KALRN: variants seen among roughly 807,000 people sequenced by gnomAD.
The protein encoded by KALRN is kalirin RhoGEF kinase, also known as kalirin.
Under a neutral mutation model 353.7 loss-of-function variants are expected in KALRN, and 70 were observed. The ratio of observed to expected loss-of-function variants is 0.20; its 90% confidence interval spans 0.16 to 0.24. The LOEUF (loss-of-function observed/expected upper bound fraction) is 0.24, where lower values mean the gene tolerates loss of function less well. Among genes scored for constraint, KALRN ranks in the 10% least tolerant of loss-of-function variants. KALRN has a pLI of 1.00. For missense variants in KALRN, 2,791 were observed against 3,756.7 expected (o/e 0.74, Z 6.72); for synonymous variants, 1,391 against 1,434.8 (o/e 0.97, Z 0.69).
intron 10 of KALRN, among the ~76,000 whole-genome samples, chr3:124,357,520 T>C (rs2083555561): frequency 1.3e-5 from 2 of 152,338 alleles, no homozygotes; most frequent in East Asian, 3.9e-4. Context: ...GTATTCCTGT[T>C]GTCCTGGAGT....
At chr3:124,327,394 G>A (rs2080030559) in intron 7 of KALRN, among the ~76,000 whole-genome samples, 1 of 152,136 alleles carries the variant, frequency 6.6e-6, no homozygotes, top group Non-Finnish European at 1.5e-5. Flanking sequence ...ATATCAACCA[G>A]CATGTGTGTC....
rs540534937 is a variant in KALRN at position 124,404,540 on chromosome 3, GC to G, written c.2346+5670del. 1.5e-4 allele frequency among the ~76,000 whole-genome samples: 22 copies of G among 150,596 alleles called. No homozygotes were observed. The East Asian group carries it at 4.1e-3, about 28-fold the overall frequency. On this transcript the variant is annotated intron_variant, in intron 13 of 59. Transcript: ENST00000682506. ...TCATCACCTGTCTTGTCTAGTCTTT[GC>G]TTGCTTAAAAGCTCCTGGTTGTCAT...
chr3:124,542,423 G>C (rs575985153), intron 33 of KALRN, among the ~76,000 whole-genome samples: 1 of 152,240 alleles, frequency 6.6e-6, no homozygotes, highest in East Asian at 1.9e-4. Context: ...CCCACGTAAA[G>C]CATATTATAT....
At chr3:124,657,351 A>G (rs1022209009) in intron 39 of KALRN, 97 bp from the exon 40 acceptor site, 2 of 791,338 alleles carry the variant, frequency 2.5e-6, no homozygotes, top group Non-Finnish European at 4.3e-6. Flanking sequence ...AAACTCACGC[A>G]GAGAGTGTGG....
intron 10 of KALRN, among the ~76,000 whole-genome samples, chr3:124,362,394 G>A (rs2084154033): frequency 6.6e-6 from 1 of 152,238 alleles, no homozygotes; most frequent in Non-Finnish European, 1.5e-5. Context: ...ATGTAGCCAG[G>A]TTTGAGACAG....
At chr3:124,052,013 C>T (rs575961007) in intron 1 of KALRN, among the ~76,000 whole-genome samples, 1 of 152,306 alleles carries the variant, frequency 6.6e-6, no homozygotes, top group South Asian at 2.1e-4. Context: ...ATATTATGAA[C>T]TGAATGGATA....
At chr3:124,688,218 C>T (rs1225597803) in intron 51 of KALRN, among the ~76,000 whole-genome samples, 2 of 148,508 alleles carry the variant, frequency 1.3e-5, no homozygotes, top group Non-Finnish European at 3.0e-5. Context: ...GAGTCTGGGG[C>T]AGGAGGATCA....
chr3:124,049,184 C>T (rs967497763), intron 1 of KALRN, among the ~76,000 whole-genome samples: 3 of 152,150 alleles, frequency 2.0e-5, no homozygotes, highest in Non-Finnish European at 2.9e-5. Flanking sequence ...CCAAAAAAGC[C>T]GCATCTGTTC....
At chr3:124,133,547 T>C (rs2065561048) in intron 1 of KALRN, among the ~76,000 whole-genome samples, 1 of 152,240 alleles carries the variant, frequency 6.6e-6, no homozygotes, top group African/African-American at 2.4e-5. Flanking sequence ...ATCTGTGGCA[T>C]TGTGGAGGGC....
intron 33 of KALRN, chr3:124,519,952 T>G: frequency 3.4e-6 from 3 of 886,252 alleles, no homozygotes; most frequent in Non-Finnish European, 1.4e-6. Context: ...GAAAGATCTG[T>G]CAAGCTGGGG....
intron 6 of KALRN, among the ~76,000 whole-genome samples, chr3:124,303,740 G>C (rs1000292475): frequency 6.6e-6 from 1 of 152,082 alleles, no homozygotes; most frequent in African/African-American, 2.4e-5. Context: ...TGTGCAGCTG[G>C]GCGGGAGGAA....
chr3:124,110,796 G>C (rs573882627), intron 1 of KALRN, among the ~76,000 whole-genome samples: 4 of 152,238 alleles, frequency 2.6e-5, no homozygotes, highest in Admixed American at 2.0e-4. Context: ...CCTTTATCTT[G>C]AGGGTGAAGC....
At chr3:124,311,061 C>CTTTTTTT (rs1198989072) in intron 6 of KALRN, among the ~76,000 whole-genome samples, 1 of 77,762 alleles carries the variant, frequency 1.3e-5, no homozygotes, top group Non-Finnish European at 3.0e-5. Flanking sequence ...TGAGATACTA[C>CTTTTTTT]TTCTTTTTTT....
At chr3:124,480,223 C>T (rs1218889657) in intron 27 of KALRN, among the ~76,000 whole-genome samples, 1 of 152,182 alleles carries the variant, frequency 6.6e-6, no homozygotes, top group East Asian at 1.9e-4. Context: ...GTTCAGTTGC[C>T]TGAAGAGAGT....
At chr3:124,163,407 G>T (rs779881771) in intron 1 of KALRN, 68 of 158,020 alleles carry the variant, frequency 4.3e-4, no homozygotes, top group Middle Eastern at 6.5e-3. Context: ...ACCACCACAT[G>T]TAGAGTATGT....
intron 45 of KALRN, among the ~76,000 whole-genome samples, chr3:124,665,206 C>T (rs1274510197): frequency 6.6e-6 from 1 of 152,196 alleles, no homozygotes; most frequent in Non-Finnish European, 1.5e-5. Context: ...ACCTGCATTT[C>T]AGAGGAGGCC....
chr3:124,582,890 C>G (rs2074770228), intron 34 of KALRN, among the ~76,000 whole-genome samples: 1 of 152,090 alleles, frequency 6.6e-6, no homozygotes, highest in South Asian at 2.1e-4. Flanking sequence ...CCACCTCAGC[C>G]TGCCAAGTAA....
At chr3:124,071,304 C>T (rs557692558) in intron 1 of KALRN, among the ~76,000 whole-genome samples, 1 of 152,302 alleles carries the variant, frequency 6.6e-6, no homozygotes, top group African/African-American at 2.4e-5. Flanking sequence ...ATCTCTATTT[C>T]TCCCAACAAC....
intron 1 of KALRN, among the ~76,000 whole-genome samples, chr3:124,178,488 C>T (rs189082228): frequency 2.6e-4 from 40 of 152,276 alleles, no homozygotes; most frequent in African/African-American, 5.3e-4. Context: ...GACTACTATA[C>T]ACCTAGGCTG....
Sources: allele counts gnomAD v4.1 joint callset (sites outside exome capture counted in the v4.1 genomes callset), GRCh38; gene constraint gnomAD v4.1.1; transcripts MANE v1.5; gene names NCBI Gene and HGNC (gene_info 2026-07-23, HGNC 2026-07-21).